Variants in RIMS4 observed in about 807,000 individuals in gnomAD.
The protein encoded by RIMS4 is regulating synaptic membrane exocytosis 4, also known as regulating synaptic membrane exocytosis protein 4.
A neutral mutation model predicts 29.0 loss-of-function variants in RIMS4; 9 were observed. That is an observed-to-expected ratio of 0.31 (90% confidence interval 0.19 to 0.54). The LOEUF (loss-of-function observed/expected upper bound fraction) is 0.54. RIMS4 is among the 20% of genes least tolerant of loss of function. RIMS4 has a pLI of 0.94. For synonymous variants in RIMS4, 130 were observed against 152.9 expected, an observed-to-expected ratio of 0.85 and a Z score of 1.10; for missense variants, 193 against 365.7, an observed-to-expected ratio of 0.53 and a Z score of 3.85.
At position 44,756,950 on chromosome 20, in the gene RIMS4, A is replaced by G; in HGVS notation, c.539T>C (p.Leu180Pro). ...AGGAAACAGCAGCACCTGGTTATAC[A>G]GTGGGTCCAGCGACTTGCGAGCGAC... ...TKVARKSLDPLYNQVLLFPES... is the reference protein window; with the variant it reads ...TKVARKSLDPPYNQVLLFPES... The change falls in exon 5 of 6, where the codon CTG becomes CCG. Residue 180 changes from leucine to proline, a missense_variant. Leu to Pro is a moderately conservative substitution (Grantham distance 98). Coordinates refer to ENST00000372851, the MANE Select transcript of RIMS4 (RefSeq NM_182970.4). This position sits in a 1 kb window ranked among gnomAD's most constrained non-coding sequence, Gnocchi z 5.9. 6.2e-7 allele frequency: 1 copy of G among 1,614,086 alleles called. No individual in the cohort carries two copies. Among genetic ancestry groups the G allele is most frequent in the Non-Finnish European group, 8.5e-7 (1 of 1,179,986 alleles).
intron 1 of RIMS4, among the ~76,000 whole-genome samples, chr20:44,792,859 G>A (rs968976784): frequency 3.3e-5 from 5 of 152,096 alleles, no homozygotes; most frequent in African/African-American, 9.7e-5. Flanking sequence ...GATCTGGTTC[G>A]GGTCTGTGGG....
At chr20:44,760,444 A>G (rs894384296) in intron 2 of RIMS4, among the ~76,000 whole-genome samples, 1 of 152,158 alleles carries the variant, frequency 6.6e-6, no homozygotes, top group African/African-American at 2.4e-5. Context: ...CACTGGAGAG[A>G]AGGGCAGATC....
intron 2 of RIMS4, among the ~76,000 whole-genome samples, chr20:44,761,924 C>T (rs2066087138): frequency 6.6e-6 from 1 of 152,200 alleles, no homozygotes; most frequent in African/African-American, 2.4e-5. Context: ...TCTTGCAAAA[C>T]CAAAGACCCT....
chr20:44,784,661 C>T lies in RIMS4; in HGVS notation c.98-13248G>A, dbSNP rs559076902. The stretch of plus-strand genomic sequence containing the variant: ...ACCTCCCACATACATGCTTAACGCA[C>T]GCTGGGTCTCCTACTCCTTGGATGA... On this transcript the variant is annotated intron_variant, in intron 1 of 5. Coordinates refer to ENST00000372851, the MANE Select transcript of RIMS4 (RefSeq NM_182970.4). 3.0e-4 allele frequency among the ~76,000 whole-genome samples: 46 copies of T among 152,366 alleles called. No individual in the cohort carries two copies. The South Asian group carries it at 3.1e-3, about 10-fold the overall frequency.
intron 1 of RIMS4, among the ~76,000 whole-genome samples, chr20:44,805,847 C>G (rs1248047654): frequency 6.6e-6 from 1 of 151,542 alleles, no homozygotes; most frequent in Non-Finnish European, 1.5e-5. Flanking sequence ...AACTCTGATT[C>G]TCCCTGCCAG....
intron 1 of RIMS4, among the ~76,000 whole-genome samples, chr20:44,783,108 C>A (rs1409084977): frequency 6.6e-6 from 1 of 152,188 alleles, no homozygotes; most frequent in East Asian, 1.9e-4. Context: ...AACTGAGGCT[C>A]TGAGAACTGA....
chr20:44,776,726 T>A (rs1272368784), intron 1 of RIMS4, among the ~76,000 whole-genome samples: 1 of 152,180 alleles, frequency 6.6e-6, no homozygotes, highest in Admixed American at 6.5e-5. Context: ...CGGTCAGCCC[T>A]CAACAAAGTT....
intron 2 of RIMS4, among the ~76,000 whole-genome samples, chr20:44,764,203 C>CATCCGTCCATCCCTTT (rs2066102491): frequency 5.0e-5 from 1 of 20,170 alleles, no homozygotes; most frequent in African/African-American, 2.2e-4. Context: ...TCCATCCATC[C>CATCCGTCCATCCCTTT]ATCCATCCAC....
At position 44,772,710 on chromosome 20, in the gene RIMS4, A is replaced by G. The variant is rs181975235; in HGVS notation, c.98-1297T>C. Among the ~76,000 whole-genome samples, 628 of 152,296 alleles carry G rather than the reference A, an allele frequency of 4.1e-3. 6 individuals carry two copies. The highest frequency in any genetic ancestry group is 0.01 in the Middle Eastern group (3 of 294). On this transcript the variant is annotated intron_variant, in intron 1 of 5. Coordinates refer to ENST00000372851, the MANE Select transcript of RIMS4 (RefSeq NM_182970.4). ...AGTGGGATCTTTTTCATGGTCCCAC[A>G]AAGTCCAGACATGGGCTGATTCCCA...
At chr20:44,794,157 A>G (rs1197259508) in intron 1 of RIMS4, among the ~76,000 whole-genome samples, 1 of 152,220 alleles carries the variant, frequency 6.6e-6, no homozygotes, top group African/African-American at 2.4e-5. Context: ...AAAACTCACA[A>G]GAGGTTTATA....
intron 1 of RIMS4, among the ~76,000 whole-genome samples, chr20:44,797,440 A>G (rs2066259585): frequency 6.6e-6 from 1 of 152,178 alleles, no homozygotes. Context: ...ACTAAACTCC[A>G]GTTGCCCTTG....
Position 44,789,598 on chromosome 20 carries a change from C to G in RIMS4, c.98-18185G>C, listed in dbSNP as rs186741959. Among the ~76,000 whole-genome samples, 43 of 152,306 alleles carry G rather than the reference C, an allele frequency of 2.8e-4. 1 individual carries two copies. Among genetic ancestry groups the G allele is most frequent in the African/African-American group, 1.0e-3 (42 of 41,562 alleles). Reference sequence around the variant, plus strand: ...TTGAGAGATAGGGCCTTGCTGTTGTCCAGGTTGGAGTGCTATGACACAATC... The same window carrying G: ...TTGAGAGATAGGGCCTTGCTGTTGTGCAGGTTGGAGTGCTATGACACAATC... On this transcript the variant is annotated intron_variant, in intron 1 of 5. Coordinates refer to ENST00000372851, the MANE Select transcript of RIMS4 (RefSeq NM_182970.4).
intron 1 of RIMS4, among the ~76,000 whole-genome samples, chr20:44,790,610 C>T (rs888521096): frequency 5.3e-5 from 8 of 152,250 alleles, no homozygotes; most frequent in African/African-American, 1.9e-4. Context: ...TCCTTGTGCC[C>T]AGCACCTAGG....
chr20:44,809,866 G>A (rs2066315665), intron 1 of RIMS4, among the ~76,000 whole-genome samples: 1 of 152,086 alleles, frequency 6.6e-6, no homozygotes, highest in South Asian at 2.1e-4. Context: ...AGGGAGGGTG[G>A]CAGGTCGGCT....
At chr20:44,805,471 G>C (rs976942197) in intron 1 of RIMS4, among the ~76,000 whole-genome samples, 4 of 152,162 alleles carry the variant, frequency 2.6e-5, no homozygotes, top group Non-Finnish European at 5.9e-5. Flanking sequence ...AATGGGAAGG[G>C]GGGTGTGGTC....
In RIMS4 at chr20:44,782,658, T is replaced by G. The variant is rs4810441; in HGVS notation, c.98-11245A>C. On this transcript the variant is annotated intron_variant, in intron 1 of 5. Coordinates refer to ENST00000372851, the MANE Select transcript of RIMS4 (RefSeq NM_182970.4). ...ACCCAGGGTGAAGGGGCAGGCCCTA[T>G]CTGGGACAAGCTGGTCTCATGGCAG... is the stretch of plus-strand genomic sequence containing the variant. Among the ~76,000 whole-genome samples the G allele has an allele frequency of 7.0e-3, 1,067 of 152,306 alleles. 33 individuals carry two copies. Among genetic ancestry groups the G allele is most frequent in the Admixed American group, 0.055 (841 of 15,302 alleles).
At chr20:44,771,030 C>T (rs901356982) in intron 2 of RIMS4, among the ~76,000 whole-genome samples, 7 of 152,168 alleles carry the variant, frequency 4.6e-5, no homozygotes, top group Non-Finnish European at 7.3e-5. Context: ...GAGACCTTGC[C>T]CAAGGTCACA....
chr20:44,781,197 G>A (rs950026008), intron 1 of RIMS4, among the ~76,000 whole-genome samples: 41 of 152,326 alleles, frequency 2.7e-4, no homozygotes, highest in African/African-American at 6.0e-4. Context: ...TTCAGGGCCA[G>A]ATCCTGTGCG....
intron 1 of RIMS4, among the ~76,000 whole-genome samples, chr20:44,803,826 G>A (rs2066286981): frequency 6.6e-6 from 1 of 152,208 alleles, no homozygotes; most frequent in African/African-American, 2.4e-5. Context: ...AGGAGGCCAG[G>A]CAGCCACGGC....
Sources: gnomAD v4.1 joint callset for allele counts (sites outside exome capture counted in the v4.1 genomes callset) on GRCh38, gnomAD v4.1.1 for gene constraint, Gnocchi (gnomAD v3.1) non-coding constraint, MANE v1.5 for transcripts, NCBI Gene and HGNC (gene_info 2026-07-23, HGNC 2026-07-21) for gene names.